CACNA1E: variants seen among roughly 807,000 people sequenced by gnomAD.
CACNA1E encodes the protein calcium voltage-gated channel subunit alpha1 E, also known as voltage-dependent R-type calcium channel subunit alpha-1E.
In CACNA1E, 40 loss-of-function variants were observed where a neutral mutation model predicts 259.2. That is an observed-to-expected ratio of 0.15 (90% CI 0.12 to 0.20). The LOEUF (loss-of-function observed/expected upper bound fraction) is 0.20, where lower values mean the gene tolerates loss of function less well. Among genes scored for constraint, CACNA1E ranks in the 10% least tolerant of loss-of-function variants. The probability of loss-of-function intolerance (pLI) is 1.00; values close to 1 mark genes in which losing one functional copy is unlikely to be tolerated. For missense variants in CACNA1E, 1,874 were observed against 3,040.1 expected (o/e 0.62, Z 9.02); for synonymous variants, 1,104 against 1,138.5 (o/e 0.97, Z 0.61).
At chr1:181,662,990 G>A (rs1647840323) in intron 7 of CACNA1E, among the ~76,000 whole-genome samples, 2 of 152,052 alleles carry the variant, frequency 1.3e-5, no homozygotes, top group Admixed American at 6.5e-5. Context: ...ATCCCTCTCA[G>A]CTTGTTTTAA....
intron 6 of CACNA1E, among the ~76,000 whole-genome samples, chr1:181,587,379 C>T (rs564411702): frequency 1.3e-5 from 2 of 152,196 alleles, no homozygotes; most frequent in East Asian, 1.9e-4. Flanking sequence ...GTGTGTTTTC[C>T]TCTGGTCACA....
intron 6 of CACNA1E, among the ~76,000 whole-genome samples, chr1:181,583,342 C>G (rs1428173891): frequency 1.3e-5 from 2 of 152,174 alleles, no homozygotes; most frequent in Admixed American, 1.3e-4. Context: ...ACTCCTCATT[C>G]TGGGAAGGCC....
Position 181,599,132 on chromosome 1 carries a change from G to A in CACNA1E, c.951+18356G>A, listed in dbSNP as rs527293581. Among the ~76,000 whole-genome samples the A allele has an allele frequency of 6.6e-5, 10 of 151,230 alleles. No individual in the cohort carries two copies. The South Asian group carries it at 1.9e-3, about 29-fold the overall frequency. ...CCTCCCCACTCTTGCCCTCCGATAG[G>A]CCCCAGTGTGTGTTGTTCCCCCCTC... On this transcript the variant is annotated intron_variant, in intron 6 of 47. Coordinates refer to ENST00000367573, the MANE Select transcript of CACNA1E (RefSeq NM_001205293.3).
intron 2 of CACNA1E, among the ~76,000 whole-genome samples, chr1:181,417,819 C>T (rs1391942540): frequency 6.6e-6 from 1 of 152,220 alleles, no homozygotes; most frequent in East Asian, 1.9e-4. Context: ...TGTACAGGCT[C>T]CATCCACTGC....
chr1:181,786,936 A>C (rs780708172), intron 43 of CACNA1E, among the ~76,000 whole-genome samples: 2 of 152,148 alleles, frequency 1.3e-5, no homozygotes, highest in African/African-American at 2.4e-5. Flanking sequence ...GAAGAAAAGG[A>C]TGAGAGTCAT....
intron 7 of CACNA1E, among the ~76,000 whole-genome samples, chr1:181,693,237 C>T (rs183071320): frequency 1.3e-5 from 2 of 151,588 alleles, no homozygotes; most frequent in African/African-American, 4.8e-5. Context: ...CTGTGGAAAG[C>T]AGTTTGGAGA....
chr1:181,769,089 C>T (rs1659269806), intron 35 of CACNA1E, among the ~76,000 whole-genome samples: 1 of 152,166 alleles, frequency 6.6e-6, no homozygotes. Context: ...TTGTCAGCCT[C>T]AGCTCCTTCA....
intron 6 of CACNA1E, among the ~76,000 whole-genome samples, chr1:181,640,955 T>A (rs1657692080): frequency 6.6e-6 from 1 of 152,168 alleles, no homozygotes; most frequent in Non-Finnish European, 1.5e-5. Flanking sequence ...GACCAATATG[T>A]AAAAGAGACA....
chr1:181,329,799 T>C (rs1651101425), intron 1 of CACNA1E, among the ~76,000 whole-genome samples: 1 of 152,214 alleles, frequency 6.6e-6, no homozygotes, highest in Non-Finnish European at 1.5e-5. Context: ...TAGTTACTTG[T>C]TAGTTTAGCA....
chr1:181,751,832 A>G lies in CACNA1E; in HGVS notation c.3732-311A>G, dbSNP rs149473022. 6.1e-3 allele frequency: 2,902 copies of G among 477,796 alleles called. 26 individuals are homozygous for G. Among genetic ancestry groups the G allele is most frequent in the Non-Finnish European group, 7.7e-3 (1,886 of 245,880 alleles). The allele number at this position is 477,796 out of a possible 1,614,324, so 29.6% of individuals were successfully genotyped here. A position where few individuals can be genotyped will look rare whatever the true frequency, so the allele number is the denominator to read the frequency against. ...CATTAGACTGGTAGTTAGGGAAGGA[A>G]GTGTTTATTAACATATGTGCATGGA... On this transcript the variant is annotated intron_variant, in intron 26 of 47. Coordinates refer to ENST00000367573, the MANE Select transcript of CACNA1E (RefSeq NM_001205293.3).
chr1:181,618,003 A>T (rs1047526561), intron 6 of CACNA1E, among the ~76,000 whole-genome samples: 7 of 152,160 alleles, frequency 4.6e-5, no homozygotes, highest in Non-Finnish European at 7.3e-5. Flanking sequence ...TCCAAAGTTG[A>T]TATGGCTTTT....
At chr1:181,439,620 G>A (rs998265711) in intron 2 of CACNA1E, among the ~76,000 whole-genome samples, 1 of 152,078 alleles carries the variant, frequency 6.6e-6, no homozygotes, top group Non-Finnish European at 1.5e-5. Context: ...ATTGCATCAC[G>A]GTGTTTGTAG....
At chr1:181,791,447 T>C (rs1661302535) in intron 44 of CACNA1E, among the ~76,000 whole-genome samples, 1 of 152,198 alleles carries the variant, frequency 6.6e-6, no homozygotes, top group Admixed American at 6.5e-5. Context: ...CACTCCAGCC[T>C]GGGTGACAGA....
chr1:181,613,717 C>G lies in CACNA1E; in HGVS notation c.951+32941C>G, dbSNP rs568591870. On this transcript the variant is annotated intron_variant, in intron 6 of 47. Transcript: ENST00000367573. The stretch of plus-strand genomic sequence containing the variant: ...CACAAAACAGTAGAGTTAGCCTATT[C>G]CTTCCAGCCTTAAATCCTGGTGCTC... Among the ~76,000 whole-genome samples the G allele has an allele frequency of 2.0e-5, 3 of 152,300 alleles. No homozygotes were observed. In the East Asian group the frequency reaches 5.8e-4, roughly 29 times the overall value.
At chr1:181,567,552 G>A (rs963206312) in intron 3 of CACNA1E, among the ~76,000 whole-genome samples, 4 of 152,208 alleles carry the variant, frequency 2.6e-5, no homozygotes, top group Admixed American at 1.3e-4. Flanking sequence ...GTGTGAAAGA[G>A]GAGAAAGAGC....
chr1:181,490,857 T>C (rs1294364654), intron 1 of CACNA1E, among the ~76,000 whole-genome samples: 1 of 152,110 alleles, frequency 6.6e-6, no homozygotes, highest in African/African-American at 2.4e-5. Flanking sequence ...TGCTCTGGTG[T>C]AGATCATGGG....
intron 1 of CACNA1E, among the ~76,000 whole-genome samples, chr1:181,381,728 C>A (rs1655471251): frequency 6.6e-6 from 1 of 152,100 alleles, no homozygotes; most frequent in Admixed American, 6.5e-5. Flanking sequence ...GTTATTAATT[C>A]TATACAAGGA....
At chr1:181,785,954 T>C (rs1034911584) in intron 43 of CACNA1E, 135 bp downstream of exon 43, 13 of 649,510 alleles carry the variant, frequency 2.0e-5, no homozygotes, top group African/African-American at 1.3e-4. Flanking sequence ...TTTTCTGAAG[T>C]TGAATATCTT....
Position 181,771,305 on chromosome 1 carries a change from A to G in CACNA1E, c.4894A>G (p.Ile1632Val). Reference protein sequence around the residue: ...AIIGMQVFGNIKLDEESHINR... With the variant: ...AIIGMQVFGNVKLDEESHINR... ...TTCTCTCCTCAAGGTATTTGGAAAC[A>G]TAAAATTAGACGAGGAGAGTCACAT... is the stretch of plus-strand genomic sequence containing the variant. Residue 1632 changes from isoleucine (I) to valine (V), a missense_variant, in exon 36 of 48, where the codon ATA becomes GTA. Transcript: ENST00000367573. 6.4e-7 allele frequency: 1 copy of G among 1,574,442 alleles called. No homozygotes were observed. Among genetic ancestry groups the G allele is most frequent in the Non-Finnish European group, 8.7e-7 (1 of 1,153,164 alleles).
Sources: gnomAD v4.1 joint callset for allele counts (sites outside exome capture counted in the v4.1 genomes callset) on GRCh38, gnomAD v4.1.1 for gene constraint, MANE v1.5 for transcripts, NCBI Gene and HGNC (gene_info 2026-07-23, HGNC 2026-07-21) for gene names.